MIS18BP1: variants seen among roughly 807,000 people sequenced by gnomAD.
MIS18BP1 encodes the protein MIS18 binding protein 1.
In MIS18BP1, 72 loss-of-function variants were observed where a neutral mutation model predicts 116.1. That is an observed-to-expected ratio of 0.62 (90% confidence interval 0.51 to 0.75). MIS18BP1 has a LOEUF of 0.75. Among genes scored for constraint, MIS18BP1 ranks in the 30% least tolerant of loss-of-function variants. The pLI is 0.00. For synonymous variants in MIS18BP1, 386 were observed against 427.0 expected, an observed-to-expected ratio of 0.90 and a Z score of 1.18; for missense variants, 1,363 against 1,303.2, an observed-to-expected ratio of 1.05 and a Z score of -0.71.
At chr14:45,238,740 A>G (rs1891494259) in intron 4 of MIS18BP1, among the ~76,000 whole-genome samples, 1 of 152,160 alleles carries the variant, frequency 6.6e-6, no homozygotes, top group South Asian at 2.1e-4. Context: ...TGGGAGGATC[A>G]CTTGAGCTTG....
At position 45,217,064 on chromosome 14, in the gene MIS18BP1, A is replaced by ATGGTCATC; in HGVS notation, c.2950_2957dup (p.His986GlnfsTer51). On this transcript the variant is annotated frameshift_variant, in exon 13 of 17. Coordinates refer to ENST00000310806, the MANE Select transcript of MIS18BP1 (RefSeq NM_018353.5). LOFTEE classifies it high-confidence loss of function. Reference sequence around the variant, plus strand: ...AAGGTGTTGTACTGAAAAAATCATCATGGTCATCTTTTGGCAACTGTTCCA... The same window carrying ATGGTCATC: ...AAGGTGTTGTACTGAAAAAATCATCATGGTCATCTGGTCATCTTTTGGCAACTGTTCCA... 6.2e-7 allele frequency: 1 copy of ATGGTCATC among 1,614,086 alleles called. No homozygotes were observed. The highest frequency in any genetic ancestry group is 8.5e-7 in the Non-Finnish European group (1 of 1,179,998).
chr14:45,214,097 G>A (rs370215897), intron 13 of MIS18BP1, among the ~76,000 whole-genome samples: 5 of 152,156 alleles, frequency 3.3e-5, no homozygotes, highest in East Asian at 1.9e-4. Context: ...ATATGGCCTC[G>A]TGGGAAGGGA....
chr14:45,241,832 C>A, intron 4 of MIS18BP1: 1 of 541,706 alleles, frequency 1.8e-6, no homozygotes, highest in Non-Finnish European at 3.1e-6. Context: ...GGTCTTCTTA[C>A]ATTCAACTCA....
chr14:45,211,942 C>A (rs910918058), intron 13 of MIS18BP1, among the ~76,000 whole-genome samples: 1 of 152,222 alleles, frequency 6.6e-6, no homozygotes, highest in Non-Finnish European at 1.5e-5. Context: ...AATGTTGGAA[C>A]CAGGTGAGCT....
At chr14:45,246,256 C>A (rs1291980698) in intron 2 of MIS18BP1, among the ~76,000 whole-genome samples, 1 of 152,178 alleles carries the variant, frequency 6.6e-6, no homozygotes, top group Non-Finnish European at 1.5e-5. Context: ...TATTATCTGA[C>A]CCACTCTTAT....
At position 45,227,774 on chromosome 14, in the gene MIS18BP1, T is replaced by C. The variant is rs754466908; in HGVS notation, c.1635A>G (p.Thr545=). Residue 545 remains threonine, a synonymous_variant, in exon 9 of 17, where the codon ACA becomes ACG. Transcript: ENST00000310806. ...AATTACTGTGGCACATGTTTAATTC[T>C]GTAGCTCCTGGTGACTCACTGTGCT... ...SNKHSESPGA[T]ELNMCHSNCQ... is the part of the protein sequence containing the mutation. 1.1e-5 allele frequency: 17 copies of C among 1,614,064 alleles called. No individual in the cohort carries two copies. Among genetic ancestry groups the C allele is most frequent in the Non-Finnish European group, 1.4e-5 (17 of 1,179,914 alleles).
intron 8 of MIS18BP1, among the ~76,000 whole-genome samples, chr14:45,228,697 C>T (rs1379639364): frequency 2.0e-5 from 3 of 152,136 alleles, no homozygotes; most frequent in Non-Finnish European, 4.4e-5. Flanking sequence ...TAAAGATGTA[C>T]TGACTAGTCC....
chr14:45,206,481 T>A, intron 14 of MIS18BP1: 1 of 218,598 alleles, frequency 4.6e-6, no homozygotes. Context: ...AGAGACAGGG[T>A]TTCACCACAT....
intron 6 of MIS18BP1, among the ~76,000 whole-genome samples, chr14:45,234,901 TATTTC>T (rs918489107): frequency 4.5e-4 from 68 of 151,848 alleles, no homozygotes; most frequent in African/African-American, 1.6e-3. Flanking sequence ...AAATAAGGAG[TATTTC>T]ATTTGATATT....
At chr14:45,218,183 C>A in intron 12 of MIS18BP1, 99 bp downstream of exon 12, 1 of 1,246,168 alleles carries the variant, frequency 8.0e-7, no homozygotes, top group South Asian at 1.5e-5. Context: ...TAAGAAAATA[C>A]CTATTAATAT....
At chr14:45,216,145 T>C (rs1034546610) in intron 13 of MIS18BP1, among the ~76,000 whole-genome samples, 1 of 152,242 alleles carries the variant, frequency 6.6e-6, no homozygotes, top group African/African-American at 2.4e-5. Context: ...TTTTTTGCTA[T>C]GAAGATAAAA....
intron 1 of MIS18BP1, among the ~76,000 whole-genome samples, chr14:45,249,000 G>C (rs1594531243): frequency 6.6e-6 from 1 of 152,214 alleles, no homozygotes; most frequent in East Asian, 1.9e-4. Flanking sequence ...CGAAATCCTG[G>C]GCTCAAGCAA....
Position 45,224,667 on chromosome 14 carries a change from G to C in MIS18BP1, c.1920C>G (p.Tyr640Ter). ...EQFFSDEERKYMAINQKKAYI... is the reference protein window; with the variant it reads ...EQFFSDEERK ...AAGCTTTCTTCTGATTGATGGCCAT[G>C]TATTTTCTTTCTTCATCTGAGAAAA... is the stretch of plus-strand genomic sequence containing the variant. The change falls in exon 11 of 17, where the codon TAC becomes TAG. Residue 640 changes from tyrosine (Y) to a stop codon, truncating the protein, a stop_gained. Transcript: ENST00000310806. LOFTEE classifies it high-confidence loss of function. 6.2e-7 allele frequency: 1 copy of C among 1,611,976 alleles called. No homozygotes were observed. Among genetic ancestry groups the C allele is most frequent in the East Asian group, 2.2e-5 (1 of 44,848 alleles).
chr14:45,228,929 A>G (rs1891201075), intron 8 of MIS18BP1, among the ~76,000 whole-genome samples: 1 of 152,202 alleles, frequency 6.6e-6, no homozygotes, highest in Non-Finnish European at 1.5e-5. Context: ...ATATAATGTT[A>G]GATGTGGTTT....
At chr14:45,244,110 T>C (rs144669315) in intron 2 of MIS18BP1, among the ~76,000 whole-genome samples, 2 of 152,230 alleles carry the variant, frequency 1.3e-5, no homozygotes, top group African/African-American at 4.8e-5. Flanking sequence ...TGCAACAATA[T>C]ACCCACAACC....
At chr14:45,242,639 CTT>C (rs1891613559) in intron 3 of MIS18BP1, 120 bp downstream of exon 3, 1 of 1,460,242 alleles carries the variant, frequency 6.8e-7, no homozygotes, top group Non-Finnish European at 9.1e-7. Context: ...CTGAGTGTCT[CTT>C]TTACGATTCA....
chr14:45,235,590 C>CAAAAAAAA (rs77272289), intron 6 of MIS18BP1, among the ~76,000 whole-genome samples: 3 of 68,682 alleles, frequency 4.4e-5, no homozygotes, highest in Admixed American at 3.2e-4. Flanking sequence ...ACTCCATTTC[C>CAAAAAAAA]AAAAAAAAAA....
rs981797718 is a variant in MIS18BP1 at position 45,208,323 on chromosome 14, T to A, written c.3152+2057A>T. 2.0e-5 allele frequency among the ~76,000 whole-genome samples: 3 copies of A among 149,938 alleles called. No individual in the cohort carries two copies. The Admixed American group carries it at 2.0e-4, about 10-fold the overall frequency. ...TAATAAAATTCAACGGCCAAAAGGA[T>A]GAAGTTGTTTTTTTTTTTTTTTTTT... On this transcript the variant is annotated intron_variant, in intron 14 of 16. Coordinates refer to ENST00000310806, the MANE Select transcript of MIS18BP1 (RefSeq NM_018353.5).
chr14:45,239,886 G>A (rs1489256235), intron 4 of MIS18BP1, among the ~76,000 whole-genome samples: 1 of 152,144 alleles, frequency 6.6e-6, no homozygotes, highest in East Asian at 1.9e-4. Context: ...AGAGAAACAA[G>A]AGTCCAAGAT....
Sources: allele counts gnomAD v4.1 joint callset (sites outside exome capture counted in the v4.1 genomes callset), GRCh38; gene constraint gnomAD v4.1.1; transcripts MANE v1.5; gene names NCBI Gene and HGNC (gene_info 2026-07-23, HGNC 2026-07-21).